Variants in NAV2 observed in about 807,000 individuals in gnomAD.
NAV2 encodes the protein helicase, APC down-regulated 1.
Under a neutral mutation model 223.2 loss-of-function variants are expected in NAV2, and 54 were observed. The observed-to-expected ratio is 0.24, with a 90% confidence interval of 0.19 to 0.30. The LOEUF is 0.30. NAV2 is among the 10% of genes least tolerant of loss of function. NAV2 has a pLI of 1.00. For synonymous variants in NAV2, 1,279 were observed against 1,239.3 expected (o/e 1.03, Z -0.67); for missense variants, 2,806 against 3,147.5 (o/e 0.89, Z 2.60).
chr11:19,986,775 A>G (rs901785016), intron 11 of NAV2, among the ~76,000 whole-genome samples: 7 of 152,260 alleles, frequency 4.6e-5, no homozygotes, highest in South Asian at 2.1e-4. Context: ...GATATTTTCC[A>G]TTATTCTAGA....
At chr11:19,790,175 G>A (rs936685371) in intron 1 of NAV2, among the ~76,000 whole-genome samples, 1 of 152,136 alleles carries the variant, frequency 6.6e-6, no homozygotes, top group African/African-American at 2.4e-5. Context: ...TTTGAGGAAG[G>A]GCCTGGTCAG....
chr11:19,629,128 G>A (rs1180717588), intron 1 of NAV2, among the ~76,000 whole-genome samples: 5 of 152,010 alleles, frequency 3.3e-5, no homozygotes, highest in Admixed American at 6.6e-5. Context: ...GCAGCCTCCC[G>A]CTCTGCCTCA....
chr11:19,926,081 T>C (rs953648441), intron 6 of NAV2, among the ~76,000 whole-genome samples: 7 of 152,170 alleles, frequency 4.6e-5, no homozygotes, highest in Admixed American at 6.5e-5. Context: ...TTCCAATGAA[T>C]TTTAGGATAG....
rs934902383 is a variant in NAV2, at chr11:19,397,727, G to A, written c.75+46700G>A. On this transcript the variant is annotated intron_variant, in intron 1 of 37. Coordinates refer to the NAV2 transcript ENST00000360655. Reference sequence around the variant, plus strand: ...GAAAAGATCAGCTCTTAAGAGACCTGGAGACAAGCTTCAGCTTAGCTGCTC... The same window carrying A: ...GAAAAGATCAGCTCTTAAGAGACCTAGAGACAAGCTTCAGCTTAGCTGCTC... Among the ~76,000 whole-genome samples, 5 of 152,286 alleles carry A rather than the reference G, an allele frequency of 3.3e-5. No individual in the cohort carries two copies. In the East Asian group the frequency reaches 9.6e-4, roughly 29 times the overall value.
chr11:19,386,495 T>C (rs1277217112), intron 1 of NAV2, among the ~76,000 whole-genome samples: 1 of 152,188 alleles, frequency 6.6e-6, no homozygotes, highest in East Asian at 1.9e-4. Context: ...AATCTGAATC[T>C]CAGTGGAGGC....
intron 1 of NAV2, among the ~76,000 whole-genome samples, chr11:19,517,266 G>A (rs1041099719): frequency 2.6e-5 from 4 of 152,118 alleles, no homozygotes; most frequent in East Asian, 1.9e-4. Context: ...GCATGTGAGC[G>A]TGCCCTGGCA....
At chr11:19,785,583 T>G (rs2057047165) in intron 1 of NAV2, among the ~76,000 whole-genome samples, 1 of 152,176 alleles carries the variant, frequency 6.6e-6, no homozygotes, top group South Asian at 2.1e-4. Context: ...AAGGTGATAT[T>G]TCCTGAGATA....
chr11:19,408,822 G>GGGA (rs113407756), intron 1 of NAV2, among the ~76,000 whole-genome samples: 47,548 of 151,304 alleles, frequency 0.31, 7,436 homozygotes, highest in Non-Finnish European at 0.33. Context: ...TTTCTGGCGG[G>GGGA]GTGGGGGGAT....
intron 1 of NAV2, among the ~76,000 whole-genome samples, chr11:19,622,010 T>G (rs1008444326): frequency 6.6e-6 from 1 of 152,248 alleles, no homozygotes; most frequent in African/African-American, 2.4e-5. Context: ...CATTTCGTTA[T>G]GTACCCAGTA....
chr11:19,776,090 A>G (rs777901829), intron 1 of NAV2, among the ~76,000 whole-genome samples: 2 of 149,450 alleles, frequency 1.3e-5, no homozygotes. Flanking sequence ...TAATAAAGCA[A>G]TCCATGATTT....
chr11:20,107,892 A>C (rs914104423), intron 36 of NAV2, 110 bp downstream of exon 36: 2 of 764,236 alleles, frequency 2.6e-6, no homozygotes, highest in Non-Finnish European at 2.2e-6. Flanking sequence ...TGGGGTGACA[A>C]CCCCTCACCT....
rs1398667931 is a variant in NAV2, at chr11:20,075,213, TTTTG to T, written c.4984-2335_4984-2332del. Among the ~76,000 whole-genome samples the T allele has an allele frequency of 3.2e-3, 333 of 105,184 alleles. 1 individual carries two copies. Among genetic ancestry groups the T allele is most frequent in the African/African-American group, 0.016 (313 of 19,888 alleles). 69.0% of individuals were successfully genotyped at this position (105,184 alleles called of 152,430 possible). ...GGCACTGTCTCCATGTTTTTTGTTT[TTTTG>T]TTTTGTTTTTTTTTTTTTTGAGACA... On this transcript the variant is annotated intron_variant, in intron 22 of 37. Transcript: ENST00000349880.
intron 1 of NAV2, among the ~76,000 whole-genome samples, chr11:19,675,539 C>T (rs1280962201): frequency 6.6e-6 from 1 of 152,210 alleles, no homozygotes; most frequent in African/African-American, 2.4e-5. Flanking sequence ...GAGCAGGGAG[C>T]ATGTCATATG....
At chr11:19,373,369 C>T (rs181331291) in intron 1 of NAV2, among the ~76,000 whole-genome samples, 23 of 152,106 alleles carry the variant, frequency 1.5e-4, no homozygotes, top group African/African-American at 5.3e-4. Flanking sequence ...CTGCCTCTCC[C>T]CTCTCTTCTC....
At chr11:19,510,136 C>T (rs948366990) in intron 1 of NAV2, among the ~76,000 whole-genome samples, 1 of 152,092 alleles carries the variant, frequency 6.6e-6, no homozygotes, top group East Asian at 1.9e-4. Context: ...TAGAGGAGAA[C>T]GTGAGAGGAA....
At chr11:20,089,042 C>T (rs1421508429) in intron 26 of NAV2, among the ~76,000 whole-genome samples, 1 of 152,010 alleles carries the variant, frequency 6.6e-6, no homozygotes, top group Non-Finnish European at 1.5e-5. Context: ...ATCAGTAAAC[C>T]TCACAAACCA....
At chr11:19,350,997 A>C (rs1484575211) in exon 1 of NAV2, 9 of 1,551,626 alleles carry the variant, frequency 5.8e-6, no homozygotes, top group Non-Finnish European at 7.0e-6. Flanking sequence ...AGAGAAAGCC[A>C]GTTATCCACG....
At position 19,404,662 on chromosome 11, in the gene NAV2, T is replaced by C. The variant is rs549949020; in HGVS notation, c.75+53635T>C. 6.6e-5 allele frequency among the ~76,000 whole-genome samples: 10 copies of C among 152,358 alleles called. No individual in the cohort carries two copies. In the South Asian group the frequency reaches 1.9e-3, roughly 28 times the overall value. On this transcript the variant is annotated intron_variant, in intron 1 of 37. Transcript: ENST00000360655. Reference sequence around the variant, plus strand: ...TAATGGCATCTGTCATTTTAAAAAATTGTAAATGCGCCTCTGTGCCTGCTC... The same window carrying C: ...TAATGGCATCTGTCATTTTAAAAAACTGTAAATGCGCCTCTGTGCCTGCTC...
chr11:20,065,038 A>C (rs1020113920), intron 20 of NAV2, among the ~76,000 whole-genome samples: 1 of 152,178 alleles, frequency 6.6e-6, no homozygotes, highest in Non-Finnish European at 1.5e-5. Flanking sequence ...CAGACTTAAA[A>C]AAAAATAGCC....
Sources: gnomAD v4.1 joint callset for allele counts (sites outside exome capture counted in the v4.1 genomes callset) on GRCh38, gnomAD v4.1.1 for gene constraint, MANE v1.5 for transcripts, NCBI Gene and HGNC (gene_info 2026-07-23, HGNC 2026-07-21) for gene names.